The following TSHZ3 variants were observed in gnomAD, a reference collection of about 807,000 sequenced individuals.
The protein encoded by TSHZ3 is teashirt homolog 3.
A neutral mutation model predicts 64.5 loss-of-function variants in TSHZ3; 10 were observed. That is an observed-to-expected ratio of 0.16 (90% CI 0.10 to 0.26). The LOEUF is 0.26. Ranked by LOEUF, TSHZ3 falls within the 10% of genes least tolerant of loss-of-function variation. TSHZ3 has a pLI of 1.00. For missense variants in TSHZ3, 1,242 were observed against 1,421.7 expected, an observed-to-expected ratio of 0.87 and a Z score of 2.03; for synonymous variants, 608 against 593.1, an observed-to-expected ratio of 1.03 and a Z score of -0.36.
chr19:31,204,486 A>T (rs890891565), intron 5 of TSHZ3, among the ~76,000 whole-genome samples: 6 of 151,942 alleles, frequency 3.9e-5, no homozygotes, highest in African/African-American at 1.5e-4. Flanking sequence ...CAGAGTTAAA[A>T]TTATGTAAAT....
upstream of TSHZ3, among the ~76,000 whole-genome samples, chr19:31,350,788 G>T (rs1215996112): frequency 6.7e-6 from 1 of 148,254 alleles, no homozygotes; most frequent in Non-Finnish European, 1.5e-5. Flanking sequence ...CGGCTGAGCG[G>T]GAGCCGGAGC....
chr19:31,251,167 T>C (rs894372565), intron 1 of TSHZ3, among the ~76,000 whole-genome samples: 16 of 152,144 alleles, frequency 1.1e-4, no homozygotes, highest in South Asian at 8.3e-4. Flanking sequence ...GCCTGAGCAG[T>C]AGGGGCCTCT....
chr19:31,252,296 T>G (rs1975853773), intron 1 of TSHZ3, among the ~76,000 whole-genome samples: 1 of 152,132 alleles, frequency 6.6e-6, no homozygotes, highest in African/African-American at 2.4e-5. Context: ...AATCTCTGCC[T>G]CTGTCTTCGC....
At chr19:31,218,438 C>G (rs925768578) in intron 4 of TSHZ3, among the ~76,000 whole-genome samples, 3 of 152,162 alleles carry the variant, frequency 2.0e-5, no homozygotes, top group African/African-American at 7.2e-5. Context: ...CAGGAACTTT[C>G]ATTCATTGTT....
chr19:31,150,178 G>A (rs765561846), exon 7 of TSHZ3, among the ~76,000 whole-genome samples: 4 of 152,172 alleles, frequency 2.6e-5, no homozygotes, highest in African/African-American at 4.8e-5. Context: ...CAGCCTCAGT[G>A]GAGAAAACGC....
At position 31,277,270 on chromosome 19, in the gene TSHZ3, C is replaced by A; in HGVS notation, c.2523G>T (p.Glu841Asp). ...TATCGGATATATCTGACAAGGCATT[C>A]TCGCGTAGCGGCGAGTTTGACATGA... ...VSFMSNSPLR[E>D]NALSDISDML... is the part of the protein sequence containing the mutation. Residue 841 changes from glutamate to aspartate, a missense_variant, in exon 2 of 2, where the codon GAG becomes GAT. This residue lies in a region of TSHZ3 where 550 missense variants were observed against 545.1 expected (regional missense o/e 1.01). Coordinates refer to ENST00000240587, the MANE Select transcript of TSHZ3 (RefSeq NM_020856.4). This position sits in a 1 kb window ranked among gnomAD's most constrained non-coding sequence, Gnocchi z 4.5. 6.2e-7 allele frequency: 1 copy of A among 1,614,078 alleles called. No homozygotes were observed. The highest frequency in any genetic ancestry group is 8.5e-7 in the Non-Finnish European group (1 of 1,179,916).
chr19:31,340,916 A>G (rs1224399680), intron 1 of TSHZ3, among the ~76,000 whole-genome samples: 1 of 152,240 alleles, frequency 6.6e-6, no homozygotes, highest in African/African-American at 2.4e-5. Flanking sequence ...CAGGCCAGGG[A>G]ACCACTGCGT....
chr19:31,220,137 G>C (rs989290310), intron 4 of TSHZ3, among the ~76,000 whole-genome samples: 6 of 152,140 alleles, frequency 3.9e-5, no homozygotes, highest in Non-Finnish European at 7.3e-5. Context: ...AAAATGGAGA[G>C]ATAGATTTAA....
chr19:31,226,153 T>C (rs1975457939), intron 4 of TSHZ3, among the ~76,000 whole-genome samples: 1 of 151,496 alleles, frequency 6.6e-6, no homozygotes, highest in Non-Finnish European at 1.5e-5. Context: ...AATGTGTCCA[T>C]ATGATGCTGT....
intron 1 of TSHZ3, among the ~76,000 whole-genome samples, chr19:31,289,570 C>T (rs998639038): frequency 7.2e-5 from 11 of 152,288 alleles, no homozygotes; most frequent in African/African-American, 9.6e-5. Flanking sequence ...AGGAAGGTAG[C>T]GGGCAGGACC....
intron 5 of TSHZ3, among the ~76,000 whole-genome samples, chr19:31,167,014 A>G (rs1207478962): frequency 6.6e-6 from 1 of 152,128 alleles, no homozygotes; most frequent in African/African-American, 2.4e-5. Flanking sequence ...AGCACACGCA[A>G]TCTTTGGGAA....
chr19:31,332,906 G>C (rs899150801), intron 1 of TSHZ3, among the ~76,000 whole-genome samples: 2 of 151,886 alleles, frequency 1.3e-5, no homozygotes, highest in Non-Finnish European at 2.9e-5. Flanking sequence ...AGGAGTTCGA[G>C]ACCAGCCTAG....
intron 1 of TSHZ3, among the ~76,000 whole-genome samples, chr19:31,327,268 G>A (rs757907319): frequency 2.5e-4 from 38 of 152,174 alleles, no homozygotes; most frequent in Non-Finnish European, 5.3e-4. Context: ...TTGAGCCTCT[G>A]GGCTACCGCT....
intron 1 of TSHZ3, among the ~76,000 whole-genome samples, chr19:31,345,853 C>T (rs1917576506): frequency 6.6e-6 from 1 of 152,072 alleles, no homozygotes; most frequent in African/African-American, 2.4e-5. Flanking sequence ...GAAAATCATG[C>T]TTTAAGCAGG....
rs1406486755 is a variant in TSHZ3 at position 31,261,254 on chromosome 19, G to A, written n.64-18379C>T. Among the ~76,000 whole-genome samples the A allele has an allele frequency of 3.3e-5, 5 of 152,290 alleles. 1 individual carries two copies. In the South Asian group the frequency reaches 8.3e-4, roughly 25 times the overall value. On this transcript the variant is annotated intron_variant and non_coding_transcript_variant, in intron 1 of 6. Transcript: ENST00000651361. ...TCTGCCAGCCACTGAACACTGCTCT[G>A]ATATTCAAAGGAGCATCTTCAGAAC...
chr19:31,340,187 A>T (rs1411437800), intron 1 of TSHZ3, among the ~76,000 whole-genome samples: 1 of 152,082 alleles, frequency 6.6e-6, no homozygotes, highest in African/African-American at 2.4e-5. Flanking sequence ...CCAATGGCAA[A>T]GAAAAGGCAT....
At chr19:31,249,528 C>T (rs1304685035) in intron 1 of TSHZ3, among the ~76,000 whole-genome samples, 1 of 152,180 alleles carries the variant, frequency 6.6e-6, no homozygotes, top group Non-Finnish European at 1.5e-5. Context: ...CGCACACACA[C>T]ACACTCTCCA....
chr19:31,264,760 T>A (rs531452068), intron 1 of TSHZ3, among the ~76,000 whole-genome samples: 128 of 151,546 alleles, frequency 8.4e-4, no homozygotes, highest in African/African-American at 3.1e-3. Context: ...AATCGGCAGG[T>A]CATATTCCAT....
intron 1 of TSHZ3, among the ~76,000 whole-genome samples, chr19:31,336,977 TTTTC>T (rs1917264858): frequency 6.6e-6 from 1 of 151,740 alleles, no homozygotes; most frequent in South Asian, 2.1e-4. Context: ...ACCAGGCAGT[TTTTC>T]TTTCTTTCTT....
Sources: gnomAD v4.1 joint callset for allele counts (sites outside exome capture counted in the v4.1 genomes callset) on GRCh38, gnomAD v4.1.1 for gene constraint, gnomAD v4.1.1 regional missense constraint, Gnocchi (gnomAD v3.1) non-coding constraint, MANE v1.5 for transcripts, NCBI Gene and HGNC (gene_info 2026-07-23, HGNC 2026-07-21) for gene names.